GREM2: variants seen among roughly 807,000 people sequenced by gnomAD.
GREM2 encodes gremlin-2.
GREM2 carries 11 observed loss-of-function variants against 14.2 expected under a neutral mutation model. The observed-to-expected ratio is 0.78, with a 90% CI of 0.49 to 1.28. The LOEUF (loss-of-function observed/expected upper bound fraction) is 1.28, where lower values mean the gene tolerates loss of function less well. Ranked by LOEUF, GREM2 falls within the 50% of genes most tolerant of loss-of-function variation. The probability of loss-of-function intolerance (pLI) is 0.00; values close to 1 mark genes in which losing one functional copy is unlikely to be tolerated. For missense variants in GREM2, 210 were observed against 218.5 expected, an observed-to-expected ratio of 0.96 and a Z score of 0.24; for synonymous variants, 98 against 97.6, an observed-to-expected ratio of 1.00 and a Z score of -0.02.
rs142612768 is a variant in GREM2, at chr1:240,563,511, G to A, written c.-2+48373C>T. Among the ~76,000 whole-genome samples the A allele has an allele frequency of 7.3e-3, 1,119 of 152,250 alleles. 20 individuals carry two copies. The highest frequency in any genetic ancestry group is 0.043 in the South Asian group (206 of 4,824). On this transcript the variant is annotated intron_variant, in intron 1 of 1. Coordinates refer to ENST00000318160, the MANE Select transcript of GREM2 (RefSeq NM_022469.4). Reference sequence around the variant, plus strand: ...TAGCTGAGGATGGAAAAAATGTTCCGTGCCCAGCTATTAATCCAGGCATGG... The same window carrying A: ...TAGCTGAGGATGGAAAAAATGTTCCATGCCCAGCTATTAATCCAGGCATGG...
chr1:240,573,571 G>A (rs558199446), intron 1 of GREM2, among the ~76,000 whole-genome samples: 4 of 152,168 alleles, frequency 2.6e-5, no homozygotes, highest in Non-Finnish European at 5.9e-5. Flanking sequence ...CGCCAGAGGC[G>A]CTCTGGTCTT....
At chr1:240,609,521 C>T (rs979059190) in intron 1 of GREM2, among the ~76,000 whole-genome samples, 10 of 152,030 alleles carry the variant, frequency 6.6e-5, no homozygotes, top group Admixed American at 1.3e-4. Context: ...TAATTGAACA[C>T]CTTGTCCTTC....
intron 1 of GREM2, among the ~76,000 whole-genome samples, chr1:240,516,416 G>T (rs1677958637): frequency 1.3e-5 from 2 of 152,242 alleles, no homozygotes; most frequent in Non-Finnish European, 2.9e-5. Context: ...GCATTAAATG[G>T]ATACTGGTGA....
chr1:240,520,241 G>A (rs1678054048), intron 1 of GREM2, among the ~76,000 whole-genome samples: 1 of 152,106 alleles, frequency 6.6e-6, no homozygotes, highest in African/African-American at 2.4e-5. Context: ...ACCCTAATTT[G>A]CTCTTAAAGC....
At chr1:240,600,764 G>A (rs991790373) in intron 1 of GREM2, among the ~76,000 whole-genome samples, 5 of 152,124 alleles carry the variant, frequency 3.3e-5, no homozygotes, top group Admixed American at 1.3e-4. Context: ...GATTACAGGC[G>A]TGAGCCACCG....
intron 1 of GREM2, among the ~76,000 whole-genome samples, chr1:240,590,336 A>G (rs1679682497): frequency 6.6e-6 from 1 of 151,946 alleles, no homozygotes; most frequent in South Asian, 2.1e-4. Context: ...TTTGCACACT[A>G]AGTTCTGAGC....
At chr1:240,505,695 A>G (rs1156862336) in intron 1 of GREM2, among the ~76,000 whole-genome samples, 1 of 152,030 alleles carries the variant, frequency 6.6e-6, no homozygotes, top group Non-Finnish European at 1.5e-5. Flanking sequence ...ATGTGACCAC[A>G]TTATTAAAAT....
At chr1:240,567,066 C>T (rs4659984) in intron 1 of GREM2, among the ~76,000 whole-genome samples, 5 of 151,836 alleles carry the variant, frequency 3.3e-5, no homozygotes, top group African/African-American at 4.8e-5. Context: ...ATTAAAAATA[C>T]GCTGGATAGG....
chr1:240,604,045 T>A (rs1008743600), intron 1 of GREM2, among the ~76,000 whole-genome samples: 1 of 151,132 alleles, frequency 6.6e-6, no homozygotes, highest in Non-Finnish European at 1.5e-5. Context: ...GAGGCAGGGG[T>A]GTCACACAGT....
chr1:240,562,902 G>C (rs963125082), intron 1 of GREM2, among the ~76,000 whole-genome samples: 2 of 150,100 alleles, frequency 1.3e-5, no homozygotes, highest in African/African-American at 4.9e-5. Flanking sequence ...GTGTATGTGT[G>C]TATGTATGTC....
At chr1:240,531,643 C>T (rs748269601) in intron 1 of GREM2, 86 of 985,168 alleles carry the variant, frequency 8.7e-5, no homozygotes, top group Non-Finnish European at 9.6e-5. Context: ...ACCTGCAAGG[C>T]GTCTGCCTGC....
chr1:240,558,765 C>T (rs1462730954), intron 1 of GREM2, among the ~76,000 whole-genome samples: 3 of 151,840 alleles, frequency 2.0e-5, no homozygotes, highest in East Asian at 3.9e-4. Flanking sequence ...TTATATCTAT[C>T]ATATTGGGAA....
chr1:240,528,985 C>T (rs1265671127), intron 1 of GREM2, among the ~76,000 whole-genome samples: 5 of 152,058 alleles, frequency 3.3e-5, no homozygotes, highest in Non-Finnish European at 7.4e-5. Flanking sequence ...CAGCCAGAGT[C>T]GCCCTAAGGT....
chr1:240,528,144 C>A (rs1678267642), intron 1 of GREM2, among the ~76,000 whole-genome samples: 1 of 152,252 alleles, frequency 6.6e-6, no homozygotes, highest in Admixed American at 6.5e-5. Flanking sequence ...ACTTCTTATT[C>A]CTCTGTTATA....
Position 240,493,476 on chromosome 1 carries a change from C to G in GREM2, c.-1G>C. 6.3e-7 allele frequency: 1 copy of G among 1,598,798 alleles called. No individual in the cohort carries two copies. Among genetic ancestry groups the G allele is most frequent in the Non-Finnish European group, 8.5e-7 (1 of 1,171,760 alleles). On this transcript the variant is annotated splice_region_variant and 5_prime_UTR_variant, in exon 2 of 2. Coordinates refer to ENST00000318160, the MANE Select transcript of GREM2 (RefSeq NM_022469.4). ...AGGACAGGGAAAGCTTCCAGAACAT[C>G]CTGCAAACGAGAAAAGAGAGGGGCT...
At chr1:240,495,885 T>G (rs559126036) in intron 1 of GREM2, among the ~76,000 whole-genome samples, 1 of 152,170 alleles carries the variant, frequency 6.6e-6, no homozygotes, top group Non-Finnish European at 1.5e-5. Flanking sequence ...AGCACTGTCA[T>G]AGGCTTTGTG....
At chr1:240,515,069 G>A (rs1677924409) in intron 1 of GREM2, among the ~76,000 whole-genome samples, 1 of 152,204 alleles carries the variant, frequency 6.6e-6, no homozygotes, top group African/African-American at 2.4e-5. Context: ...TGAGGATGTA[G>A]AAACCATACC....
At chr1:240,578,704 A>C (rs1156331187) in intron 1 of GREM2, among the ~76,000 whole-genome samples, 1 of 151,972 alleles carries the variant, frequency 6.6e-6, no homozygotes, top group Non-Finnish European at 1.5e-5. Context: ...AATTCACTTG[A>C]ACCTGGGAGG....
At chr1:240,536,283 A>G (rs1441772589) in intron 1 of GREM2, among the ~76,000 whole-genome samples, 1 of 152,254 alleles carries the variant, frequency 6.6e-6, no homozygotes, top group Non-Finnish European at 1.5e-5. Context: ...TTTAAAACAT[A>G]TGAGTAAGGG....
Sources: gnomAD v4.1 joint callset for allele counts (sites outside exome capture counted in the v4.1 genomes callset) on GRCh38, gnomAD v4.1.1 for gene constraint, MANE v1.5 for transcripts, NCBI Gene and HGNC (gene_info 2026-07-23, HGNC 2026-07-21) for gene names.